SP3: variants seen among roughly 807,000 people sequenced by gnomAD.
SP3 encodes the protein Sp3 transcription factor, also known as transcription factor Sp3.
In SP3, 10 loss-of-function variants were observed where a neutral mutation model predicts 70.3. That is an observed-to-expected ratio of 0.14 (90% confidence interval 0.09 to 0.24). The LOEUF (loss-of-function observed/expected upper bound fraction) is 0.24, where lower values mean the gene tolerates loss of function less well. SP3 is among the 10% of genes least tolerant of loss of function. The probability of loss-of-function intolerance (pLI) is 1.00; values close to 1 mark genes in which losing one functional copy is unlikely to be tolerated. For missense variants in SP3, 825 were observed against 914.6 expected (o/e 0.90, Z 1.26); for synonymous variants, 402 against 333.5 (o/e 1.21, Z -2.24).
intron 4 of SP3, among the ~76,000 whole-genome samples, chr2:173,949,864 A>G (rs555338603): frequency 6.6e-6 from 1 of 152,338 alleles, no homozygotes; most frequent in South Asian, 2.1e-4. Context: ...CCCAGTCTTG[A>G]AAGATTAACT....
At chr2:173,919,038 T>C (rs1689679847) in intron 4 of SP3, among the ~76,000 whole-genome samples, 1 of 152,218 alleles carries the variant, frequency 6.6e-6, no homozygotes, top group Non-Finnish European at 1.5e-5. Flanking sequence ...CTTTAGATAA[T>C]AAATGCTTCA....
rs1689218535 is a variant in SP3 at position 173,903,072 on chromosome 2, ATGT to A, written c.*6866_*6868del. On this transcript the variant is annotated 3_prime_UTR_variant, in exon 7 of 7. Coordinates refer to ENST00000310015, the MANE Select transcript of SP3 (RefSeq NM_003111.5). Reference sequence around the variant, plus strand: ...CGAATACTAGCAGTTTCGTTAATAAATGTTGGCTGACAATTAGGTGGATCAAGG... The same window carrying A: ...CGAATACTAGCAGTTTCGTTAATAAATGGCTGACAATTAGGTGGATCAAGG... Among the ~76,000 whole-genome samples, 1 of 152,262 alleles carries A rather than the reference ATGT, an allele frequency of 6.6e-6. No homozygotes were observed.
At chr2:173,963,196 T>C (rs1303126840) in intron 3 of SP3, 1 of 152,198 alleles carries the variant, frequency 6.6e-6, no homozygotes, top group African/African-American at 2.4e-5. Flanking sequence ...ACTGCAAATT[T>C]TAGTAGTCTG....
intron 4 of SP3, among the ~76,000 whole-genome samples, chr2:173,939,648 C>T (rs1690303695): frequency 6.6e-6 from 1 of 150,622 alleles, no homozygotes; most frequent in Non-Finnish European, 1.5e-5. Flanking sequence ...GCCTGTAGTC[C>T]CAGCTACTCA....
intron 4 of SP3, among the ~76,000 whole-genome samples, chr2:173,940,903 T>C (rs1013018932): frequency 6.6e-6 from 1 of 152,128 alleles, no homozygotes. Flanking sequence ...TGAATGTCTA[T>C]CCAATGCCCT....
At chr2:173,929,729 T>C (rs1216310430) in intron 4 of SP3, among the ~76,000 whole-genome samples, 1 of 152,206 alleles carries the variant, frequency 6.6e-6, no homozygotes, top group Non-Finnish European at 1.5e-5. Context: ...TGGTCTGTTA[T>C]CTTCTAACGC....
At position 173,905,674 on chromosome 2, in the gene SP3, T is replaced by TG. The variant is rs1156551553; in HGVS notation, c.*4266dup. On this transcript the variant is annotated 3_prime_UTR_variant, in exon 7 of 7. Transcript: ENST00000310015. ...TTATAACATCAAATAAAAGCCAACA[T>TG]GGGAAAAAAAAAAACCTTGTATACC... Among the ~76,000 whole-genome samples the TG allele has an allele frequency of 2.0e-5, 3 of 150,204 alleles. No homozygotes were observed. Among genetic ancestry groups the TG allele is most frequent in the South Asian group, 2.1e-4 (1 of 4,780 alleles).
In SP3 at chr2:173,964,550, G is replaced by A. The variant is rs1448506113; in HGVS notation, c.11C>T (p.Pro4Leu). 1 of 691,132 alleles carries A rather than the reference G, an allele frequency of 1.4e-6. No individual in the cohort carries two copies. Among genetic ancestry groups the A allele is most frequent in the Non-Finnish European group, 2.7e-6 (1 of 372,116 alleles). 42.8% of individuals were successfully genotyped at this position (691,132 alleles called of 1,614,324 possible). The change falls in exon 2 of 7, where the codon CCC becomes CTC. Residue 4 changes from proline to leucine, a missense_variant. Physicochemically the swap from Pro to Leu is moderately conservative, Grantham distance 98. Coordinates refer to ENST00000310015, the MANE Select transcript of SP3 (RefSeq NM_003111.5). MTA[P>L]EKPVKQEEMA... ...TTCCTCTTGTTTCACGGGCTTTTCG[G>A]GAGCTGCAGGCACAGCGCGGGGGGG...
At chr2:173,918,887 C>A (rs143623458) in intron 4 of SP3, 102 bp from the exon 5 acceptor site, 1 of 960,222 alleles carries the variant, frequency 1.0e-6, no homozygotes. Flanking sequence ...ACTTTGCATG[C>A]ACTACTTCTC....
intron 4 of SP3, among the ~76,000 whole-genome samples, chr2:173,930,386 G>C (rs557737971): frequency 6.6e-6 from 1 of 152,138 alleles, no homozygotes; most frequent in East Asian, 1.9e-4. Context: ...GGGTAACACA[G>C]GGAGACTGCC....
rs751664179 is a variant in SP3 at position 173,955,487 on chromosome 2, G to A, written c.1025C>T (p.Thr342Met). The A allele has an allele frequency of 1.8e-5, 29 of 1,613,844 alleles. No homozygotes were observed. Among genetic ancestry groups the A allele is most frequent in the Middle Eastern group, 1.6e-4 (1 of 6,084 alleles). Residue 342 changes from threonine (T) to methionine (M), a missense_variant, in exon 4 of 7, where the codon ACG (threonine) becomes ATG (methionine). Thr to Met is a moderately conservative substitution (Grantham distance 81). Transcript: ENST00000310015. ...TTGTAATATACCTGTACTATCTATC[G>A]TAACAGGCAACTGTGATGAAGAGGA... ...PTSSSSQLPV[T>M]IDSTGILQQN...
At position 173,955,293 on chromosome 2, in the gene SP3, T is replaced by C. The variant is rs779329551; in HGVS notation, c.1219A>G (p.Thr407Ala). ...CCTTGCACAATTTGGGCTTGACTGG[T>C]TGGCTGCTGAGACTCTTGAAGTTGT... ...HLQLQESQQP[T>A]SQAQIVQGIT... The change falls in exon 4 of 7, where the codon ACC becomes GCC. Residue 407 changes from threonine to alanine, a missense_variant. Physicochemically the swap from Thr to Ala is moderately conservative, Grantham distance 58. Around this residue, in one of 4 missense-constraint regions of SP3, gnomAD observed 678 missense variants for 651.6 expected, o/e 1.04. Coordinates refer to ENST00000310015, the MANE Select transcript of SP3 (RefSeq NM_003111.5). 6 of 1,614,142 alleles carry C rather than the reference T, an allele frequency of 3.7e-6. No individual in the cohort carries two copies. Among genetic ancestry groups the C allele is most frequent in the Non-Finnish European group, 5.1e-6 (6 of 1,180,024 alleles).
At chr2:173,960,725 C>T (rs907430827) in intron 3 of SP3, among the ~76,000 whole-genome samples, 1 of 152,118 alleles carries the variant, frequency 6.6e-6, no homozygotes. Context: ...AATCCCAGCA[C>T]TTTGGGAGGC....
At position 173,901,987 on chromosome 2, in the gene SP3, C is replaced by G. The variant is rs187620526; in HGVS notation, c.*7954G>C. ...ACAGGCATGAGCCACTGCCCCCGGC[C>G]AAGCCTTCTTTTCAATATTCAACTC... On this transcript the variant is annotated 3_prime_UTR_variant, in exon 7 of 7. Coordinates refer to ENST00000310015, the MANE Select transcript of SP3 (RefSeq NM_003111.5). 2.6e-4 allele frequency among the ~76,000 whole-genome samples: 39 copies of G among 152,272 alleles called. 1 individual carries two copies. In the East Asian group the frequency reaches 6.8e-3, roughly 26 times the overall value.
intron 4 of SP3, among the ~76,000 whole-genome samples, chr2:173,934,678 C>CACAGCAAG (rs1690164131): frequency 6.6e-6 from 1 of 151,930 alleles, no homozygotes; most frequent in Non-Finnish European, 1.5e-5. Context: ...GCCTGAGCAA[C>CACAGCAAG]ACAGCAAGAC....
intron 4 of SP3, among the ~76,000 whole-genome samples, chr2:173,924,321 T>C (rs1049685196): frequency 3.9e-5 from 6 of 152,226 alleles, no homozygotes; most frequent in Admixed American, 6.5e-5. Flanking sequence ...TTTTCTAATA[T>C]GTATTACAGA....
Position 173,937,548 on chromosome 2 carries a change from T to G in SP3, c.1639+17325A>C, listed in dbSNP as rs189977597. On this transcript the variant is annotated intron_variant, in intron 4 of 6. Transcript: ENST00000310015. Reference sequence around the variant, plus strand: ...TTGGAACCAAAATTAAAGTCCAATCTTACTTTATGTTAAATTTCTTGAAAA... The same window carrying G: ...TTGGAACCAAAATTAAAGTCCAATCGTACTTTATGTTAAATTTCTTGAAAA... 1.6e-3 allele frequency among the ~76,000 whole-genome samples: 239 copies of G among 152,212 alleles called. 1 individual carries two copies. Among genetic ancestry groups the G allele is most frequent in the African/African-American group, 5.5e-3 (229 of 41,522 alleles).
chr2:173,931,374 C>T lies in SP3; in HGVS notation c.1640-12589G>A, dbSNP rs964387821. Among the ~76,000 whole-genome samples the T allele has an allele frequency of 3.4e-5, 5 of 148,752 alleles. No homozygotes were observed. In the South Asian group the frequency reaches 1.1e-3, roughly 32 times the overall value. ...TGTTGTTGTTTTTGAGATGGAGTCT[C>T]GCTCTGTTTCCCAGGCTGGAGTGCA... is the stretch of plus-strand genomic sequence containing the variant. On this transcript the variant is annotated intron_variant, in intron 4 of 6. Coordinates refer to ENST00000310015, the MANE Select transcript of SP3 (RefSeq NM_003111.5).
intron 3 of SP3, among the ~76,000 whole-genome samples, chr2:173,959,948 T>TCCTTTGAGTCTAC (rs1691012463): frequency 6.6e-6 from 1 of 152,042 alleles, no homozygotes. Flanking sequence ...GGCAGGTGGA[T>TCCTTTGAGTCTAC]CCTTTGAGTC....
Sources: gnomAD v4.1 joint callset for allele counts (sites outside exome capture counted in the v4.1 genomes callset) on GRCh38, gnomAD v4.1.1 for gene constraint, gnomAD v4.1.1 regional missense constraint, MANE v1.5 for transcripts, NCBI Gene and HGNC (gene_info 2026-07-23, HGNC 2026-07-21) for gene names.